The following UGT1A8 variants were observed in gnomAD, a reference collection of about 807,000 sequenced individuals.
UGT1A8 encodes the protein UDP glucuronosyltransferase family 1 member A8, also known as UDP-glucuronosyltransferase 1A8.
In UGT1A8, 39 loss-of-function variants were observed where a neutral mutation model predicts 45.3. That is an observed-to-expected ratio of 0.86 (90% CI 0.67 to 1.12). The LOEUF (loss-of-function observed/expected upper bound fraction) is 1.12. Among genes scored for constraint, UGT1A8 ranks in the 50% most tolerant of loss-of-function variants. The pLI is 0.00. For synonymous variants in UGT1A8, 275 were observed against 249.2 expected, an observed-to-expected ratio of 1.10 and a Z score of -0.97; for missense variants, 719 against 664.9, an observed-to-expected ratio of 1.08 and a Z score of -0.90.
rs187295904 is a variant in UGT1A8 at position 233,750,155 on chromosome 2, A to G, written c.856-16879A>G. 9.7e-4 allele frequency among the ~76,000 whole-genome samples: 148 copies of G among 152,026 alleles called. 1 individual carries two copies. Among genetic ancestry groups the G allele is most frequent in the Non-Finnish European group, 1.5e-3 (103 of 68,038 alleles). ...TTGGAACTTCCTAGAGACTTGTTGA[A>G]TGGTTTTGACCAAAATGCTGATAAT... On this transcript the variant is annotated intron_variant, in intron 1 of 4. Coordinates refer to ENST00000373450, the MANE Select transcript of UGT1A8 (RefSeq NM_019076.5).
chr2:233,656,792 C>T (rs1453322), intron 1 of UGT1A8, among the ~76,000 whole-genome samples: 35,492 of 151,966 alleles, frequency 0.23, 4,747 homozygotes, highest in East Asian at 0.52. Context: ...CAGGAGGGTT[C>T]GATTCACTTG....
intron 1 of UGT1A8, among the ~76,000 whole-genome samples, chr2:233,738,473 C>G (rs1020432064): frequency 1.3e-5 from 2 of 152,168 alleles, no homozygotes; most frequent in Non-Finnish European, 1.5e-5. Flanking sequence ...TTTGGAACTT[C>G]CTGGAGACTT....
chr2:233,694,649 T>G (rs1417184018), intron 1 of UGT1A8, among the ~76,000 whole-genome samples: 3 of 152,220 alleles, frequency 2.0e-5, no homozygotes, highest in African/African-American at 7.2e-5. Context: ...TTCCAGTTCC[T>G]TTTTTATCAG....
At chr2:233,658,278 C>G (rs545766433) in intron 1 of UGT1A8, among the ~76,000 whole-genome samples, 13 of 152,164 alleles carry the variant, frequency 8.5e-5, no homozygotes, top group Non-Finnish European at 2.9e-5. Flanking sequence ...CTTGGCCTCC[C>G]AAAGTGCTGG....
intron 1 of UGT1A8, among the ~76,000 whole-genome samples, chr2:233,646,340 G>C (rs1387447828): frequency 6.6e-6 from 1 of 152,168 alleles, no homozygotes; most frequent in Non-Finnish European, 1.5e-5. Flanking sequence ...TGGTTTTGGG[G>C]ATTAACATTC....
At chr2:233,685,128 C>T (rs901416768) in intron 1 of UGT1A8, among the ~76,000 whole-genome samples, 1 of 152,126 alleles carries the variant, frequency 6.6e-6, no homozygotes, top group African/African-American at 2.4e-5. Flanking sequence ...AGGTGAATTA[C>T]ATCCAGGGAT....
chr2:233,772,325 C>T lies in UGT1A8; in HGVS notation c.1359C>T (p.Asp453=), dbSNP rs773957041. ...AGGACCGCCCGGTGGAGCCGCTGGA[C>T]CTGGCCGTGTTCTGGGTGGAGTTTG... is the stretch of plus-strand genomic sequence containing the variant. ...LHKDRPVEPL[D]LAVFWVEFVM... The change falls in exon 5 of 5, where the codon GAC becomes GAT. Residue 453 remains aspartate, a synonymous_variant. Coordinates refer to ENST00000373450, the MANE Select transcript of UGT1A8 (RefSeq NM_019076.5). 3.1e-6 allele frequency: 5 copies of T among 1,614,018 alleles called. No homozygotes were observed. In the African/African-American group the frequency reaches 4.0e-5, roughly 13 times the overall value.
chr2:233,730,512 T>C (rs1468182310), intron 1 of UGT1A8, among the ~76,000 whole-genome samples: 3 of 152,116 alleles, frequency 2.0e-5, no homozygotes, highest in Non-Finnish European at 4.4e-5. Flanking sequence ...GTTGACTCAG[T>C]GGAAGTGGGG....
chr2:233,768,654 T>C (rs1699689633), intron 4 of UGT1A8, among the ~76,000 whole-genome samples: 2 of 149,892 alleles, frequency 1.3e-5, no homozygotes, highest in Non-Finnish European at 3.0e-5. Flanking sequence ...TGGTGCAATC[T>C]TGGCTTACTG....
At chr2:233,744,389 G>GC (rs1692798556) in intron 1 of UGT1A8, among the ~76,000 whole-genome samples, 1 of 151,858 alleles carries the variant, frequency 6.6e-6, no homozygotes, top group African/African-American at 2.4e-5. Flanking sequence ...CAACGTTCCA[G>GC]CCCCGGTGCC....
At position 233,648,883 on chromosome 2, in the gene UGT1A8, C is replaced by T; in HGVS notation, c.855+30321C>T. On this transcript the variant is annotated intron_variant, in intron 1 of 4. Coordinates refer to ENST00000373450, the MANE Select transcript of UGT1A8 (RefSeq NM_019076.5). ...CATAGCCTCTGAAATTCTCCAAACA[C>T]CTGTCATGGCATATGATCTCTACAG... 4 of 1,287,806 alleles carry T rather than the reference C, an allele frequency of 3.1e-6. 1 individual carries two copies. The South Asian group carries it at 4.7e-5, about 15-fold the overall frequency. The allele number at this position is 1,287,806 out of a possible 1,614,324, so 79.8% of individuals were successfully genotyped here. A position where few individuals can be genotyped will look rare whatever the true frequency, so the allele number is the denominator to read the frequency against.
In UGT1A8 at chr2:233,747,664, T is replaced by G. The variant is rs942017762; in HGVS notation, c.856-19370T>G. ...GCTACTTCCTTCGATGTGGTTTTAA[T>G]AGACCCAATTTACCTCTGTGGGGCA... On this transcript the variant is annotated intron_variant, in intron 1 of 4. Coordinates refer to ENST00000373450, the MANE Select transcript of UGT1A8 (RefSeq NM_019076.5). The G allele has an allele frequency of 5.0e-6, 8 of 1,600,932 alleles. No individual in the cohort carries two copies. The African/African-American group carries it at 1.1e-4, about 22-fold the overall frequency.
chr2:233,772,820 C>T lies in UGT1A8; in HGVS notation c.*261C>T. The T allele has an allele frequency of 1.0e-6, 1 of 980,900 alleles. No individual in the cohort carries two copies. The highest frequency in any genetic ancestry group is 3.1e-5 in the Admixed American group (1 of 31,764). 60.8% of individuals were successfully genotyped at this position (980,900 alleles called of 1,614,324 possible). A position where few individuals can be genotyped will look rare whatever the true frequency, so the allele number is the denominator to read the frequency against. On this transcript the variant is annotated 3_prime_UTR_variant, in exon 5 of 5. Coordinates refer to ENST00000373450, the MANE Select transcript of UGT1A8 (RefSeq NM_019076.5). ...TGCCATTTTTCAGAGGACGTGCAGA[C>T]AGGCTGGCATTCTAGATTACTTTTC...
At position 233,769,202 on chromosome 2, in the gene UGT1A8, CACAG is replaced by C. The variant is rs1699813403; in HGVS notation, c.1295+767_1295+770del. Among the ~76,000 whole-genome samples the C allele has an allele frequency of 6.6e-6, 1 of 152,204 alleles. No homozygotes were observed. Among genetic ancestry groups the C allele is most frequent in the African/African-American group, 2.4e-5 (1 of 41,446 alleles). On this transcript the variant is annotated intron_variant, in intron 4 of 4. Coordinates refer to ENST00000373450, the MANE Select transcript of UGT1A8 (RefSeq NM_019076.5). The surrounding 1 kb of genome is among the most constrained non-coding windows in gnomAD (Gnocchi z 4.4). ...TATGAATGAAGGAGCTATAAGATAT[CACAG>C]ACAAAGTCTTAGAATAAGAGCAAAG...
chr2:233,631,784 G>A (rs996935078), intron 1 of UGT1A8, among the ~76,000 whole-genome samples: 16 of 151,968 alleles, frequency 1.1e-4, no homozygotes, highest in Admixed American at 6.5e-5. Flanking sequence ...TCTGTAAGTT[G>A]CCTGTTCAGT....
intron 1 of UGT1A8, chr2:233,682,126 T>C (rs1416949320): frequency 1.9e-6 from 3 of 1,614,070 alleles, no homozygotes; most frequent in Non-Finnish European, 2.5e-6. Flanking sequence ...CAGAGGTGAG[T>C]TGGCAACTGG....
chr2:233,624,403 T>C (rs2073060634), intron 1 of UGT1A8, among the ~76,000 whole-genome samples: 1 of 152,154 alleles, frequency 6.6e-6, no homozygotes. Flanking sequence ...ACTGGGGTTA[T>C]AGGTTTTTAG....
intron 1 of UGT1A8, among the ~76,000 whole-genome samples, chr2:233,620,203 A>G (rs1487321901): frequency 1.3e-5 from 2 of 152,236 alleles, no homozygotes; most frequent in Non-Finnish European, 2.9e-5. Flanking sequence ...AAAAGCAGGA[A>G]GACTACAGTT....
chr2:233,743,990 C>T (rs541433916), intron 1 of UGT1A8: 26 of 1,267,206 alleles, frequency 2.1e-5, no homozygotes, highest in Admixed American at 2.4e-5. Context: ...GGCGCAGGCC[C>T]GAGTGCTCGG....
Sources: allele counts gnomAD v4.1 joint callset (sites outside exome capture counted in the v4.1 genomes callset), GRCh38; gene constraint gnomAD v4.1.1; non-coding constraint Gnocchi (gnomAD v3.1); transcripts MANE v1.5; gene names NCBI Gene and HGNC (gene_info 2026-07-23, HGNC 2026-07-21).